RARB: variants seen among roughly 807,000 people sequenced by gnomAD.
RARB encodes retinoic acid receptor beta, also known as HBV-activated protein.
A neutral mutation model predicts 51.9 loss-of-function variants in RARB; 17 were observed. The observed-to-expected ratio is 0.33, with a 90% CI of 0.22 to 0.49. The LOEUF is 0.49. Among genes scored for constraint, RARB ranks in the 20% least tolerant of loss-of-function variants. The pLI is 0.99. For missense variants in RARB, 369 were observed against 550.8 expected (o/e 0.67, Z 3.30); for synonymous variants, 215 against 195.4 (o/e 1.10, Z -0.84).
At chr3:25,494,291 A>G (rs2125596204) in intron 2 of RARB, among the ~76,000 whole-genome samples, 1 of 151,788 alleles carries the variant, frequency 6.6e-6, no homozygotes, top group East Asian at 1.9e-4. Context: ...GCCATCATTT[A>G]CATCTCTGCC....
At chr3:24,909,084 C>T (rs1385955496) in intron 2 of RARB, among the ~76,000 whole-genome samples, 1 of 151,980 alleles carries the variant, frequency 6.6e-6, no homozygotes, top group Non-Finnish European at 1.5e-5. Context: ...TTTTCATGAC[C>T]CTAGGAGACA....
intron 5 of RARB, among the ~76,000 whole-genome samples, chr3:25,369,364 A>G (rs1253088532): frequency 1.3e-5 from 2 of 152,196 alleles, no homozygotes; most frequent in Non-Finnish European, 2.9e-5. Context: ...CTGAATGCCT[A>G]CCATGTGCCA....
rs565003756 is a variant in RARB at position 25,253,239 on chromosome 3, T to G, written c.178+78664T>G. ...GACACTTTGATACACATGTGTTTTT[T>G]TATTCTATTCTCTATCAAAACCTGA... On this transcript the variant is annotated intron_variant, in intron 5 of 11. Transcript: ENST00000383772. Among the ~76,000 whole-genome samples, 9 of 152,308 alleles carry G rather than the reference T, an allele frequency of 5.9e-5. No homozygotes were observed. The East Asian group carries it at 1.7e-3, about 29-fold the overall frequency.
intron 2 of RARB, among the ~76,000 whole-genome samples, chr3:24,947,705 T>G (rs1019038886): frequency 6.6e-6 from 1 of 152,212 alleles, no homozygotes; most frequent in Non-Finnish European, 1.5e-5. Context: ...TGGTAAAGCA[T>G]GGTCTTTAGC....
At chr3:25,269,526 A>T (rs189119400) in intron 5 of RARB, among the ~76,000 whole-genome samples, 6 of 152,282 alleles carry the variant, frequency 3.9e-5, no homozygotes, top group African/African-American at 1.4e-4. Context: ...GTGGATACTA[A>T]CAGGAAGAGC....
intron 2 of RARB, among the ~76,000 whole-genome samples, chr3:25,488,054 G>C (rs1575451371): frequency 3.3e-5 from 5 of 152,312 alleles, no homozygotes; most frequent in East Asian, 1.9e-4. Context: ...AACTACTGTT[G>C]ACAGTATGGG....
At chr3:25,584,793 G>A (rs1209041488) in intron 5 of RARB, among the ~76,000 whole-genome samples, 5 of 152,152 alleles carry the variant, frequency 3.3e-5, no homozygotes, top group Non-Finnish European at 7.3e-5. Context: ...CGTCAATATT[G>A]GTTGAAGTCA....
chr3:25,468,271 C>T (rs958635983), intron 2 of RARB, among the ~76,000 whole-genome samples: 6 of 150,622 alleles, frequency 4.0e-5, no homozygotes, highest in African/African-American at 1.2e-4. Context: ...GGCTGGCTTA[C>T]GTGGAGTAAG....
chr3:24,837,132 G>C (rs1042846060), intron 1 of RARB, among the ~76,000 whole-genome samples: 1 of 152,188 alleles, frequency 6.6e-6, no homozygotes, highest in Non-Finnish European at 1.5e-5. Flanking sequence ...CTCCTTTGTT[G>C]AATGGATGAA....
intron 5 of RARB, among the ~76,000 whole-genome samples, chr3:25,356,592 G>T (rs2125460792): frequency 6.6e-6 from 1 of 151,930 alleles, no homozygotes; most frequent in Non-Finnish European, 1.5e-5. Flanking sequence ...GTATACATGT[G>T]CCATGGTGGT....
intron 3 of RARB, among the ~76,000 whole-genome samples, chr3:25,558,631 C>A (rs1476735749): frequency 6.7e-6 from 1 of 148,472 alleles, no homozygotes; most frequent in East Asian, 2.1e-4. Flanking sequence ...CCTAAATAAT[C>A]TAACTTTGGA....
rs146171079 is a variant in RARB at position 25,221,129 on chromosome 3, T to C, written c.178+46554T>C. ...TGGATTTTCATACAAGATACAGATATAATGGAACTAATCAAACAAGGATGT... is the reference window on the plus strand; with the variant it reads ...TGGATTTTCATACAAGATACAGATACAATGGAACTAATCAAACAAGGATGT... On this transcript the variant is annotated intron_variant, in intron 5 of 11. Transcript: ENST00000383772. 2.3e-3 allele frequency among the ~76,000 whole-genome samples: 338 copies of C among 149,354 alleles called. 1 individual carries two copies. Among genetic ancestry groups the C allele is most frequent in the African/African-American group, 6.9e-3 (267 of 38,880 alleles).
At chr3:25,478,335 G>T (rs1028740979) in intron 2 of RARB, among the ~76,000 whole-genome samples, 1 of 152,226 alleles carries the variant, frequency 6.6e-6, no homozygotes, top group Non-Finnish European at 1.5e-5. Context: ...CCAAGCTGCT[G>T]CAGACTGAGT....
intron 5 of RARB, among the ~76,000 whole-genome samples, chr3:25,210,529 CTTTTTTTTTTTTTTTTTT>C (rs773846113): frequency 2.5e-4 from 7 of 27,618 alleles, no homozygotes; most frequent in East Asian, 1.0e-3. Context: ...TTATCTGATT[CTTTTTTTTTTTTTTTTTT>C]TTTTTTGAGA....
intron 1 of RARB, among the ~76,000 whole-genome samples, chr3:24,831,259 A>G (rs1361830554): frequency 6.6e-6 from 1 of 152,224 alleles, no homozygotes; most frequent in Non-Finnish European, 1.5e-5. Context: ...AAATAATTGT[A>G]ACAAGAAAAT....
intron 3 of RARB, among the ~76,000 whole-genome samples, chr3:25,073,759 GC>G (rs1698817211): frequency 6.6e-6 from 1 of 152,084 alleles, no homozygotes; most frequent in South Asian, 2.1e-4. Context: ...CAATAAGGAT[GC>G]CTGTAAGTGG....
intron 2 of RARB, among the ~76,000 whole-genome samples, chr3:24,861,199 T>A (rs533377876): frequency 6.6e-6 from 1 of 152,342 alleles, no homozygotes; most frequent in Admixed American, 6.5e-5. Flanking sequence ...GTATAACTAC[T>A]ATTTACATGG....
chr3:25,569,637 C>A, intron 3 of RARB, 121 bp from the exon 4 acceptor site: 2 of 1,184,812 alleles, frequency 1.7e-6, no homozygotes, highest in Non-Finnish European at 1.2e-6. Context: ...CACCTCTTCC[C>A]ACTGTTTCTG....
chr3:25,379,369 A>T (rs1203915535), intron 5 of RARB, among the ~76,000 whole-genome samples: 1 of 152,162 alleles, frequency 6.6e-6, no homozygotes, highest in Non-Finnish European at 1.5e-5. Context: ...CTAGACTCAC[A>T]CTTAACTGAA....
Sources: gnomAD v4.1 joint callset for allele counts (sites outside exome capture counted in the v4.1 genomes callset) on GRCh38, gnomAD v4.1.1 for gene constraint, MANE v1.5 for transcripts, NCBI Gene and HGNC (gene_info 2026-07-23, HGNC 2026-07-21) for gene names.